The following CDC14B variants were observed in gnomAD, a reference collection of about 807,000 sequenced individuals.
CDC14B encodes the protein cell division cycle 14B, also known as dual specificity protein phosphatase CDC14B.
A neutral mutation model predicts 64.2 loss-of-function variants in CDC14B; 22 were observed. The ratio of observed to expected loss-of-function variants is 0.34; its 90% confidence interval spans 0.24 to 0.49. The LOEUF is 0.49. Among genes scored for constraint, CDC14B ranks in the 20% least tolerant of loss-of-function variants. The pLI, the probability that CDC14B is intolerant of heterozygous loss-of-function variation, is 0.99. For synonymous variants in CDC14B, 191 were observed against 215.8 expected (o/e 0.89, Z 1.01); for missense variants, 498 against 629.9 (o/e 0.79, Z 2.24).
Position 96,565,446 on chromosome 9 carries a change from C to T in CDC14B, c.198G>A (p.Lys66=), listed in dbSNP as rs1843776939. ...TGAAATAATGTACATTTGATGCACT[C>T]TTTGGTCTGCTGTAGAGAATGGCAA... ...LCFAILYSRP[K]SASNVHYFSI... Residue 66 remains lysine (K), a synonymous_variant, in exon 2 of 14, where the codon AAG becomes AAA. Transcript: ENST00000375241. The T allele has an allele frequency of 6.2e-7, 1 of 1,612,196 alleles. No homozygotes were observed. Among genetic ancestry groups the T allele is most frequent in the African/African-American group, 1.3e-5 (1 of 74,874 alleles).
intron 1 of CDC14B, among the ~76,000 whole-genome samples, chr9:96,577,121 T>C (rs937666276): frequency 2.0e-5 from 3 of 151,916 alleles, no homozygotes; most frequent in Non-Finnish European, 2.9e-5. Context: ...CGTGGTGGCA[T>C]GTGCCTGTAA....
In CDC14B at chr9:96,502,837, A is replaced by T; in HGVS notation, c.*916T>A. The T allele has an allele frequency of 2.5e-6, 1 of 395,984 alleles. No homozygotes were observed. Among genetic ancestry groups the T allele is most frequent in the Non-Finnish European group, 4.4e-6 (1 of 225,332 alleles). 24.5% of individuals were successfully genotyped at this position (395,984 alleles called of 1,614,324 possible). On this transcript the variant is annotated 3_prime_UTR_variant, in exon 14 of 14. Coordinates refer to ENST00000375241, the MANE Select transcript of CDC14B (RefSeq NM_033331.4). ...AAAAAATCCAATGTTACAGGGAAGG[A>T]CTCTAAAAAAGTGGTAACTTTTTTT...
In CDC14B at chr9:96,515,854, A is replaced by C. The variant is rs971708339; in HGVS notation, c.1344-6065T>G. 5 of 1,453,428 alleles carry C rather than the reference A, an allele frequency of 3.4e-6. No homozygotes were observed. The highest frequency in any genetic ancestry group is 4.6e-6 in the Non-Finnish European group (5 of 1,076,454). The allele number at this position is 1,453,428 out of a possible 1,614,324, so 90.0% of individuals were successfully genotyped here. On this transcript the variant is annotated intron_variant, in intron 12 of 13. Transcript: ENST00000375241. The surrounding 1 kb of genome is among the most constrained non-coding windows in gnomAD (Gnocchi z 4.3). The stretch of plus-strand genomic sequence containing the variant: ...ATTGGGAAGCCAAAATAAATTACGC[A>C]ATCATCAATCAATCAAGCCATATGT...
In CDC14B at chr9:96,518,919, G is replaced by A. The variant is rs990338991; in HGVS notation, c.1343+3587C>T. Among the ~76,000 whole-genome samples the A allele has an allele frequency of 2.6e-5, 4 of 152,012 alleles. No individual in the cohort carries two copies. The East Asian group carries it at 5.8e-4, about 22-fold the overall frequency. On this transcript the variant is annotated intron_variant, in intron 12 of 13. Transcript: ENST00000375241. ...TGGGAGGCCAAGGTGGGCAGATCAC[G>A]AGGTCAGGAGATCGAGACCATCCTG...
rs759557262 is a variant in CDC14B at position 96,541,806 on chromosome 9, G to A, written c.564+20C>T. ...TTAGTTCCTCAACACAACACTGGGT[G>A]CATCCTACATGTCACTCACCTTCTT... On this transcript the variant is annotated intron_variant, in intron 6 of 13. Coordinates refer to ENST00000375241, the MANE Select transcript of CDC14B (RefSeq NM_033331.4). 11 of 1,562,554 alleles carry A rather than the reference G, an allele frequency of 7.0e-6. No individual in the cohort carries two copies. The highest frequency in any genetic ancestry group is 1.2e-5 in the South Asian group (1 of 85,128).
At chr9:96,576,368 T>C (rs1453993677) in intron 1 of CDC14B, among the ~76,000 whole-genome samples, 3 of 147,376 alleles carry the variant, frequency 2.0e-5, no homozygotes, top group African/African-American at 7.5e-5. Flanking sequence ...AGGTCGCTCA[T>C]GCCTGTAATC....
At chr9:96,528,841 G>A (rs1381521081) in intron 9 of CDC14B, among the ~76,000 whole-genome samples, 1 of 152,194 alleles carries the variant, frequency 6.6e-6, no homozygotes, top group African/African-American at 2.4e-5. Flanking sequence ...GTTGTGATTT[G>A]ACTTTCCCTA....
intron 1 of CDC14B, among the ~76,000 whole-genome samples, chr9:96,583,865 T>A (rs937982050): frequency 2.0e-5 from 3 of 152,100 alleles, no homozygotes; most frequent in Non-Finnish European, 4.4e-5. Context: ...ACTACAGGCG[T>A]CTACCACCAT....
intron 1 of CDC14B, among the ~76,000 whole-genome samples, chr9:96,578,297 T>G (rs1259273216): frequency 6.6e-6 from 1 of 152,246 alleles, no homozygotes; most frequent in African/African-American, 2.4e-5. Flanking sequence ...ATTATACACA[T>G]GTAGCTACTT....
chr9:96,494,988 C>T (rs1460148014), intron 13 of CDC14B, among the ~76,000 whole-genome samples: 1 of 151,684 alleles, frequency 6.6e-6, no homozygotes, highest in East Asian at 1.9e-4. Context: ...GTACCTGCCA[C>T]CACGCCCGGC....
intron 9 of CDC14B, among the ~76,000 whole-genome samples, chr9:96,527,614 TTTTA>T (rs914139667): frequency 6.6e-6 from 1 of 151,804 alleles, no homozygotes; most frequent in African/African-American, 2.4e-5. Context: ...TTTTTATTAT[TTTTA>T]TTTATTTATT....
intron 9 of CDC14B, among the ~76,000 whole-genome samples, chr9:96,524,898 G>A (rs890166772): frequency 6.6e-6 from 1 of 152,182 alleles, no homozygotes; most frequent in Non-Finnish European, 1.5e-5. Flanking sequence ...CCTAAATACA[G>A]ATTTGGATCA....
At chr9:96,558,781 T>A (rs10114579) in intron 4 of CDC14B, among the ~76,000 whole-genome samples, 9,562 of 152,298 alleles carry the variant, frequency 0.063, 949 homozygotes, top group African/African-American at 0.22. Flanking sequence ...CTGGCTTAAA[T>A]AGGGCAGCAA....
chr9:96,597,443 G>A (rs528102467), intron 1 of CDC14B, among the ~76,000 whole-genome samples: 179 of 150,774 alleles, frequency 1.2e-3, no homozygotes, highest in African/African-American at 3.6e-3. Flanking sequence ...GCAGTGAGCC[G>A]AGATTGTGTC....
At chr9:96,541,769 T>C (rs1587885488) in intron 6 of CDC14B, 57 bp downstream of exon 6, 1 of 1,251,848 alleles carries the variant, frequency 8.0e-7, no homozygotes, top group Admixed American at 2.2e-5. Flanking sequence ...CCTAGTTTTC[T>C]TGGACCGCAT....
At chr9:96,550,296 T>C (rs1410144705) in intron 5 of CDC14B, among the ~76,000 whole-genome samples, 1 of 152,220 alleles carries the variant, frequency 6.6e-6, no homozygotes, top group Non-Finnish European at 1.5e-5. Context: ...TTCAAGCCAA[T>C]TCTAATTTGC....
In CDC14B at chr9:96,590,601, T is replaced by C. The variant is rs542182523; in HGVS notation, c.161-25118A>G. On this transcript the variant is annotated intron_variant, in intron 1 of 13. Coordinates refer to ENST00000375241, the MANE Select transcript of CDC14B (RefSeq NM_033331.4). The stretch of plus-strand genomic sequence containing the variant: ...CAGCATTTTACATTCCCACCAAAAG[T>C]GTACAAGACTTCCAATTTCTCCACA... Among the ~76,000 whole-genome samples the C allele has an allele frequency of 3.8e-4, 58 of 152,244 alleles. 1 individual carries two copies. The South Asian group carries it at 0.012, about 30-fold the overall frequency.
At chr9:96,540,754 C>T (rs776856677) in intron 6 of CDC14B, among the ~76,000 whole-genome samples, 5 of 152,078 alleles carry the variant, frequency 3.3e-5, no homozygotes, top group Non-Finnish European at 7.4e-5. Flanking sequence ...CAACTGCAAC[C>T]AGAAGGTACC....
chr9:96,523,869 AC>A, intron 9 of CDC14B, 144 bp from the exon 10 acceptor site: 1 of 741,128 alleles, frequency 1.3e-6, no homozygotes, highest in Non-Finnish European at 2.2e-6. Context: ...CTCTGGAATC[AC>A]CTAGAGAGGT....
Sources: allele counts gnomAD v4.1 joint callset (sites outside exome capture counted in the v4.1 genomes callset), GRCh38; gene constraint gnomAD v4.1.1; non-coding constraint Gnocchi (gnomAD v3.1); transcripts MANE v1.5; gene names NCBI Gene and HGNC (gene_info 2026-07-23, HGNC 2026-07-21).